RBFOX1: variants seen among roughly 807,000 people sequenced by gnomAD.
RBFOX1 encodes RNA binding protein fox-1 homolog 1.
A neutral mutation model predicts 57.7 loss-of-function variants in RBFOX1; 8 were observed. That is an observed-to-expected ratio of 0.14 (90% CI 0.08 to 0.25). The LOEUF is 0.25. Among genes scored for constraint, RBFOX1 ranks in the 10% least tolerant of loss-of-function variants. The probability of loss-of-function intolerance (pLI) is 1.00; values close to 1 mark genes in which losing one functional copy is unlikely to be tolerated. For missense variants in RBFOX1, 611 were observed against 548.5 expected (o/e 1.11, Z -1.14); for synonymous variants, 326 against 222.4 (o/e 1.47, Z -4.15).
chr16:6,867,575 C>G (rs967462731), intron 3 of RBFOX1, among the ~76,000 whole-genome samples: 15 of 151,996 alleles, frequency 9.9e-5, no homozygotes, highest in African/African-American at 3.4e-4. Flanking sequence ...AAAAATTAGC[C>G]AGGCGTGGTG....
intron 3 of RBFOX1, among the ~76,000 whole-genome samples, chr16:6,730,704 C>T (rs1010649245): frequency 2.6e-5 from 4 of 152,262 alleles, no homozygotes; most frequent in Admixed American, 6.5e-5. Flanking sequence ...ACTGTCCAAA[C>T]GATTTTTAAG....
intron 4 of RBFOX1, among the ~76,000 whole-genome samples, chr16:7,057,369 C>T (rs543565371): frequency 9.2e-5 from 14 of 152,202 alleles, no homozygotes; most frequent in Non-Finnish European, 1.8e-4. Flanking sequence ...GCTGCCTGAA[C>T]TCAACGTATG....
chr16:6,026,400 G>A (rs900030946), intron 1 of RBFOX1, among the ~76,000 whole-genome samples: 5 of 152,240 alleles, frequency 3.3e-5, no homozygotes, highest in African/African-American at 1.2e-4. Flanking sequence ...GGTGTAGGCA[G>A]GCGTTAAGCA....
chr16:7,691,828 A>G (rs186374294), intron 14 of RBFOX1, among the ~76,000 whole-genome samples: 1 of 152,142 alleles, frequency 6.6e-6, no homozygotes, highest in Non-Finnish European at 1.5e-5. Context: ...TGCCATAGAT[A>G]TGTGAATGCC....
chr16:6,954,693 T>G (rs1451054205), intron 3 of RBFOX1, among the ~76,000 whole-genome samples: 1 of 152,032 alleles, frequency 6.6e-6, no homozygotes, highest in African/African-American at 2.4e-5. Context: ...CTCTCTTAAG[T>G]GCAGGTGCCC....
chr16:6,443,755 CTACCCAT>C (rs2094432895), intron 2 of RBFOX1, among the ~76,000 whole-genome samples: 1 of 151,386 alleles, frequency 6.6e-6, no homozygotes, highest in African/African-American at 2.4e-5. Context: ...ATCTGTCCAT[CTACCCAT>C]CTACCCATCT....
chr16:6,078,941 A>G (rs2095954900), intron 1 of RBFOX1, among the ~76,000 whole-genome samples: 1 of 152,176 alleles, frequency 6.6e-6, no homozygotes, highest in Non-Finnish European at 1.5e-5. Flanking sequence ...CCAGTTCATG[A>G]TTTAATTTAT....
intron 1 of RBFOX1, among the ~76,000 whole-genome samples, chr16:6,266,804 G>A (rs2074562647): frequency 6.6e-6 from 1 of 151,952 alleles, no homozygotes; most frequent in East Asian, 1.9e-4. Flanking sequence ...AAAGTCTGTT[G>A]CTTTTATCAT....
intron 2 of RBFOX1, among the ~76,000 whole-genome samples, chr16:6,477,070 A>G (rs1233650695): frequency 2.0e-5 from 3 of 152,102 alleles, no homozygotes; most frequent in South Asian, 2.1e-4. Flanking sequence ...TTCTTTAGCT[A>G]TTTCCTCCAC....
chr16:6,450,788 T>TATAC lies in RBFOX1; in HGVS notation c.-64+133732_-64+133733insTACA, dbSNP rs1555480534. 1.0e-4 allele frequency among the ~76,000 whole-genome samples: 5 copies of TATAC among 47,964 alleles called. 1 individual carries two copies. The highest frequency in any genetic ancestry group is 1.8e-4 in the Non-Finnish European group (5 of 28,346). 31.5% of individuals were successfully genotyped at this position (47,964 alleles called of 152,430 possible). On this transcript the variant is annotated intron_variant, in intron 2 of 15. Coordinates refer to ENST00000550418, the MANE Select transcript of RBFOX1 (RefSeq NM_018723.4). ...ATGTGTATATATATATATATATATA[T>TATAC]ACATATATATATGTATATATATATA...
At chr16:5,826,344 T>C (rs1364825852) in intron 3 of RBFOX1, among the ~76,000 whole-genome samples, 2 of 152,190 alleles carry the variant, frequency 1.3e-5, no homozygotes, top group African/African-American at 2.4e-5. Context: ...CCTGTGACTT[T>C]GTCCCCAGTA....
At chr16:6,443,386 AT>A (rs1033377025) in intron 2 of RBFOX1, among the ~76,000 whole-genome samples, 2 of 146,238 alleles carry the variant, frequency 1.4e-5, no homozygotes, top group African/African-American at 5.6e-5. Context: ...TCTGTTGCTC[AT>A]TTTCCCATCC....
chr16:6,025,090 C>T (rs1202820694), intron 1 of RBFOX1, among the ~76,000 whole-genome samples: 2 of 152,158 alleles, frequency 1.3e-5, no homozygotes, highest in East Asian at 1.9e-4. Flanking sequence ...GGATTTTATG[C>T]AGAGAGATAC....
chr16:5,924,149 T>G (rs2152234814), intron 4 of RBFOX1, among the ~76,000 whole-genome samples: 1 of 152,270 alleles, frequency 6.6e-6, no homozygotes, highest in Non-Finnish European at 1.5e-5. Context: ...AGGTGCCTGC[T>G]TCTCCTTTGC....
chr16:5,494,203 C>G lies in RBFOX1; in HGVS notation c.258+26949C>G, dbSNP rs144768200. 2.9e-3 allele frequency among the ~76,000 whole-genome samples: 449 copies of G among 152,312 alleles called. 1 individual carries two copies. Among genetic ancestry groups the G allele is most frequent in the African/African-American group, 9.9e-3 (410 of 41,564 alleles). ...TAATATGCCTTCTTCCCAGACAGTT[C>G]TATGATGTCTCCTTGGCGGATGCTA... On this transcript the variant is annotated intron_variant, in intron 2 of 2. Coordinates refer to the RBFOX1 transcript ENST00000585867.
At chr16:6,153,062 T>C (rs2096810687) in intron 1 of RBFOX1, among the ~76,000 whole-genome samples, 1 of 150,250 alleles carries the variant, frequency 6.7e-6, no homozygotes, top group African/African-American at 2.4e-5. Context: ...TAATTTTATG[T>C]ATTTTTTATT....
At chr16:6,970,610 C>T (rs964738861) in intron 3 of RBFOX1, among the ~76,000 whole-genome samples, 3 of 152,174 alleles carry the variant, frequency 2.0e-5, no homozygotes, top group Admixed American at 1.3e-4. Flanking sequence ...AAAAGCACTC[C>T]CTCCTGCCTC....
intron 2 of RBFOX1, among the ~76,000 whole-genome samples, chr16:5,562,422 T>A (rs549514711): frequency 6.6e-6 from 1 of 152,192 alleles, no homozygotes; most frequent in South Asian, 2.1e-4. Context: ...ATCAGGGCTC[T>A]GAGGGCAGAT....
rs542119381 is a variant in RBFOX1, at chr16:6,934,175, G to T, written c.-15-117882G>T. 1.5e-3 allele frequency among the ~76,000 whole-genome samples: 226 copies of T among 152,280 alleles called. 1 individual carries two copies. Among genetic ancestry groups the T allele is most frequent in the Non-Finnish European group, 2.3e-3 (159 of 68,024 alleles). ...TGGTACAGAGTTTTCCTAACAGTAT[G>T]TGCATACCTAGCTGCAGTTCCTGGT... On this transcript the variant is annotated intron_variant, in intron 3 of 15. Transcript: ENST00000550418.
Sources: allele counts gnomAD v4.1 joint callset (sites outside exome capture counted in the v4.1 genomes callset), GRCh38; gene constraint gnomAD v4.1.1; transcripts MANE v1.5; gene names NCBI Gene and HGNC (gene_info 2026-07-23, HGNC 2026-07-21).